The following DPP6 variants were observed in gnomAD, a reference collection of about 807,000 sequenced individuals.
DPP6 encodes the protein dipeptidyl peptidase like 6.
A neutral mutation model predicts 122.6 loss-of-function variants in DPP6; 69 were observed. The ratio of observed to expected loss-of-function variants is 0.56; its 90% CI spans 0.46 to 0.69. The LOEUF (loss-of-function observed/expected upper bound fraction) is 0.69. Among genes scored for constraint, DPP6 ranks in the 30% least tolerant of loss-of-function variants. The probability of loss-of-function intolerance (pLI) is 0.00; values close to 1 mark genes in which losing one functional copy is unlikely to be tolerated. For missense variants in DPP6, 928 were observed against 1,116.9 expected (o/e 0.83, Z 2.41); for synonymous variants, 418 against 433.1 (o/e 0.97, Z 0.43).
At chr7:153,862,641 G>T in the DPP6 span, among the ~76,000 whole-genome samples, 2 of 152,092 alleles carry the variant, frequency 1.3e-5, no homozygotes, top group Non-Finnish European at 2.9e-5. Flanking sequence ...CCTTCTAAAT[G>T]TAATTAAAGA....
chr7:153,913,541 T>C (rs1358017393), intron 1 of DPP6, among the ~76,000 whole-genome samples: 2 of 152,236 alleles, frequency 1.3e-5, no homozygotes, highest in East Asian at 1.9e-4. Flanking sequence ...GACTTGGTTC[T>C]AGAGCTGTAG....
intron 16 of DPP6, among the ~76,000 whole-genome samples, chr7:154,829,334 G>A (rs1800438542): frequency 6.6e-6 from 1 of 151,436 alleles, no homozygotes; most frequent in Non-Finnish European, 1.5e-5. Flanking sequence ...AGTGAGCTGT[G>A]ATTGTGCCAC....
At chr7:154,616,675 T>C (rs1834280857) in intron 5 of DPP6, among the ~76,000 whole-genome samples, 1 of 152,136 alleles carries the variant, frequency 6.6e-6, no homozygotes, top group South Asian at 2.1e-4. Context: ...TGGACCTAGG[T>C]TCAATTAAGT....
intron 3 of DPP6, among the ~76,000 whole-genome samples, chr7:154,484,215 T>C (rs901814372): frequency 3.3e-5 from 5 of 152,216 alleles, no homozygotes; most frequent in Admixed American, 2.6e-4. Flanking sequence ...GACGCTTACA[T>C]GCAGACAGCT....
At chr7:154,367,404 T>G (rs993149889) in intron 1 of DPP6, among the ~76,000 whole-genome samples, 2 of 152,236 alleles carry the variant, frequency 1.3e-5, no homozygotes, top group Admixed American at 1.3e-4. Flanking sequence ...ATTTTATTTT[T>G]TCTAGTCTGG....
chr7:154,798,223 T>A (rs767062222), intron 12 of DPP6, among the ~76,000 whole-genome samples: 26 of 152,180 alleles, frequency 1.7e-4, no homozygotes, highest in Non-Finnish European at 3.5e-4. Flanking sequence ...TGGAGGCCCA[T>A]GGGGGGCCGT....
At chr7:154,303,139 G>A (rs1023505029) in intron 1 of DPP6, among the ~76,000 whole-genome samples, 72 of 152,178 alleles carry the variant, frequency 4.7e-4, no homozygotes, top group African/African-American at 1.7e-3. Context: ...GCGCCGCCAC[G>A]CCCAGCTAAT....
chr7:154,243,141 CAA>C (rs1030385951), intron 1 of DPP6, among the ~76,000 whole-genome samples: 1 of 152,106 alleles, frequency 6.6e-6, no homozygotes, highest in African/African-American at 2.4e-5. Flanking sequence ...GCTGCCAAAA[CAA>C]AACTCAGAGC....
chr7:154,418,150 G>T (rs1817182514), intron 1 of DPP6, among the ~76,000 whole-genome samples: 2 of 152,148 alleles, frequency 1.3e-5, no homozygotes, highest in African/African-American at 2.4e-5. Context: ...AACCTAAAAA[G>T]TCTGCTTCCC....
chr7:154,371,927 G>T (rs138578996), intron 1 of DPP6, among the ~76,000 whole-genome samples: 1 of 152,130 alleles, frequency 6.6e-6, no homozygotes, highest in East Asian at 1.9e-4. Flanking sequence ...CAGAGGGGCC[G>T]TCGTCCTGGT....
At chr7:154,007,883 C>G (rs964942726) in intron 1 of DPP6, among the ~76,000 whole-genome samples, 1 of 151,992 alleles carries the variant, frequency 6.6e-6, no homozygotes, top group East Asian at 1.9e-4. Context: ...TGTGGTCATG[C>G]TACAGATAGC....
intron 1 of DPP6, among the ~76,000 whole-genome samples, chr7:154,261,396 G>T (rs985294487): frequency 6.6e-6 from 1 of 152,188 alleles, no homozygotes; most frequent in Non-Finnish European, 1.5e-5. Flanking sequence ...ATTCAAGATG[G>T]ATCAAGGACT....
chr7:154,105,001 G>A (rs1010522985), intron 1 of DPP6, among the ~76,000 whole-genome samples: 30 of 152,290 alleles, frequency 2.0e-4, no homozygotes, highest in African/African-American at 6.0e-4. Flanking sequence ...GGTGGCACAC[G>A]CCTGCGGTCC....
rs561879493 is a variant in DPP6 at position 154,802,967 on chromosome 7, A to G, written c.1408-897A>G. ...TTCCAGCAGGAAGCAGGTCTCCTGCACTGCCCATGAGGCACCACCTCCTGC... is the reference window on the plus strand; with the variant it reads ...TTCCAGCAGGAAGCAGGTCTCCTGCGCTGCCCATGAGGCACCACCTCCTGC... On this transcript the variant is annotated intron_variant, in intron 13 of 25. Transcript: ENST00000377770. Among the ~76,000 whole-genome samples, 7 of 152,288 alleles carry G rather than the reference A, an allele frequency of 4.6e-5. No homozygotes were observed. The East Asian group carries it at 1.4e-3, about 29-fold the overall frequency.
chr7:154,547,858 G>A (rs561283178), intron 4 of DPP6, among the ~76,000 whole-genome samples: 58 of 152,088 alleles, frequency 3.8e-4, no homozygotes, highest in African/African-American at 1.3e-3. Flanking sequence ...CAGAAAACAA[G>A]TATATTTTAC....
intron 1 of DPP6, among the ~76,000 whole-genome samples, chr7:153,974,990 T>A (rs958282045): frequency 1.3e-5 from 2 of 152,202 alleles, no homozygotes; most frequent in Non-Finnish European, 2.9e-5. Context: ...GGCTCACATT[T>A]GGCTAAGGCT....
chr7:154,009,300 T>C (rs1247174377), intron 1 of DPP6, among the ~76,000 whole-genome samples: 1 of 92,998 alleles, frequency 1.1e-5, no homozygotes, highest in Non-Finnish European at 2.1e-5. Flanking sequence ...TCTGAAGGCA[T>C]CTCTGCTGCT....
intron 2 of DPP6, among the ~76,000 whole-genome samples, chr7:154,463,413 T>C (rs1821494798): frequency 6.6e-6 from 1 of 151,928 alleles, no homozygotes; most frequent in African/African-American, 2.4e-5. Flanking sequence ...TTCACCGTGT[T>C]AGCCAGGATG....
At chr7:153,823,484 G>C in the DPP6 span, among the ~76,000 whole-genome samples, 1 of 150,414 alleles carries the variant, frequency 6.6e-6, no homozygotes, top group South Asian at 2.1e-4. Flanking sequence ...GCTGCCCTCT[G>C]CCTCAGGTTC....
Sources: gnomAD v4.1 joint callset for allele counts (sites outside exome capture counted in the v4.1 genomes callset) on GRCh38, gnomAD v4.1.1 for gene constraint, MANE v1.5 for transcripts, NCBI Gene and HGNC (gene_info 2026-07-23, HGNC 2026-07-21) for gene names.